USP31: variants seen among roughly 807,000 people sequenced by gnomAD.
The protein encoded by USP31 is ubiquitin carboxyl-terminal hydrolase 31.
USP31 carries 44 observed loss-of-function variants against 119.4 expected under a neutral mutation model. The observed-to-expected ratio is 0.37, with a 90% confidence interval of 0.29 to 0.47. The LOEUF (loss-of-function observed/expected upper bound fraction) is 0.47. Among genes scored for constraint, USP31 ranks in the 20% least tolerant of loss-of-function variants. The pLI, the probability that USP31 is intolerant of heterozygous loss-of-function variation, is 0.99. For synonymous variants in USP31, 749 were observed against 705.6 expected (o/e 1.06, Z -0.97); for missense variants, 1,643 against 1,730.2 (o/e 0.95, Z 0.89).
intron 13 of USP31, among the ~76,000 whole-genome samples, chr16:23,077,354 G>C (rs1900621015): frequency 6.6e-6 from 1 of 152,138 alleles, no homozygotes; most frequent in Non-Finnish European, 1.5e-5. Context: ...TAAAGAACTT[G>C]AACTAAAAGG....
chr16:23,091,325 C>T (rs903658695), intron 6 of USP31, among the ~76,000 whole-genome samples: 1 of 152,164 alleles, frequency 6.6e-6, no homozygotes, highest in Non-Finnish European at 1.5e-5. Flanking sequence ...GATCAATCCA[C>T]ATTAAAGTTA....
At chr16:23,091,207 A>G (rs1485913468) in intron 6 of USP31, among the ~76,000 whole-genome samples, 1 of 152,248 alleles carries the variant, frequency 6.6e-6, no homozygotes, top group East Asian at 1.9e-4. Flanking sequence ...CTTCTCCCTG[A>G]TTAAAGAGCC....
At position 23,090,680 on chromosome 16, in the gene USP31, G is replaced by A. The variant is rs1406198248; in HGVS notation, c.1359C>T (p.Ser453=). 10 of 1,613,916 alleles carry A rather than the reference G, an allele frequency of 6.2e-6. No individual in the cohort carries two copies. Among genetic ancestry groups the A allele is most frequent in the South Asian group, 2.2e-5 (2 of 91,054 alleles). The part of the protein sequence containing the change: ...KMDSPTSRAG[S]DKIVLLVCNR... Reference sequence around the variant, plus strand: ...TACACACCAACAGGACAATCTTGTCGCTGCCTGCTCTTGATGTGGGAGAAT... The same window carrying A: ...TACACACCAACAGGACAATCTTGTCACTGCCTGCTCTTGATGTGGGAGAAT... Residue 453 remains serine (S), a synonymous_variant, in exon 7 of 16, where the codon AGC becomes AGT. Transcript: ENST00000219689.
chr16:23,108,083 T>A lies in USP31; in HGVS notation c.734A>T (p.Asn245Ile), dbSNP rs1286123007. Residue 245 changes from asparagine to isoleucine, a missense_variant, in exon 2 of 16, where the codon AAC (asparagine) becomes ATC (isoleucine). Physicochemically the swap from Asn to Ile is moderately radical, Grantham distance 149. Around this residue, in one of 5 missense-constraint regions of USP31, gnomAD observed 144 missense variants for 218.0 expected, o/e 0.66. Coordinates refer to ENST00000219689, the MANE Select transcript of USP31 (RefSeq NM_020718.4). ...WLLDRVHEDL[N>I]HSVKQSGQPP... ...CTGGCCACTCTGCTTCACTGAATGG[T>A]TGAGGTCTTCATGAACTCGGTCCAA... 6.2e-7 allele frequency: 1 copy of A among 1,614,102 alleles called. No homozygotes were observed. The highest frequency in any genetic ancestry group is 1.3e-5 in the African/African-American group (1 of 75,054).
intron 1 of USP31, among the ~76,000 whole-genome samples, chr16:23,116,931 T>C (rs1386688987): frequency 6.6e-6 from 1 of 152,224 alleles, no homozygotes. Flanking sequence ...TTATTCCTGG[T>C]ACAGGTTGAG....
chr16:23,130,561 T>C (rs1902997878), intron 1 of USP31, among the ~76,000 whole-genome samples: 2 of 151,780 alleles, frequency 1.3e-5, no homozygotes, highest in South Asian at 2.1e-4. Context: ...ACTACAGGAG[T>C]TGGAATTATG....
intron 1 of USP31, among the ~76,000 whole-genome samples, chr16:23,122,946 T>C (rs1169716023): frequency 3.3e-5 from 5 of 152,244 alleles, no homozygotes; most frequent in Non-Finnish European, 5.9e-5. Flanking sequence ...GTTAACTGTA[T>C]TTCAATAAAG....
chr16:23,094,760 G>A (rs187208482), intron 6 of USP31, among the ~76,000 whole-genome samples: 1 of 152,248 alleles, frequency 6.6e-6, no homozygotes, highest in African/African-American at 2.4e-5. Flanking sequence ...TGTAGCTGAG[G>A]GACCTGATCA....
intron 14 of USP31, among the ~76,000 whole-genome samples, chr16:23,073,401 G>A (rs1397095618): frequency 2.0e-5 from 3 of 152,158 alleles, no homozygotes; most frequent in African/African-American, 7.2e-5. Context: ...ACAGGCTCCA[G>A]GATAACCCCA....
intron 6 of USP31, 86 bp from the exon 7 acceptor site, chr16:23,090,890 AT>A (rs374120276): frequency 1.6e-5 from 21 of 1,285,832 alleles, no homozygotes; most frequent in African/African-American, 7.4e-5. Context: ...AACAGAGAAA[AT>A]TTTTTTTAAA....
intron 6 of USP31, among the ~76,000 whole-genome samples, chr16:23,097,455 A>C (rs945919095): frequency 3.3e-5 from 5 of 152,216 alleles, no homozygotes. Flanking sequence ...AAAAGAGGGA[A>C]TCCTCCCTAA....
chr16:23,088,250 AG>A (rs1438951579), intron 7 of USP31, among the ~76,000 whole-genome samples: 3 of 152,180 alleles, frequency 2.0e-5, no homozygotes, highest in Non-Finnish European at 2.9e-5. Context: ...TCTGACAACA[AG>A]GGAGGCACTG....
chr16:23,125,721 G>A (rs1902831730), intron 1 of USP31, among the ~76,000 whole-genome samples: 1 of 152,162 alleles, frequency 6.6e-6, no homozygotes, highest in Non-Finnish European at 1.5e-5. Flanking sequence ...TCACTGTACT[G>A]TTATAAAGGA....
At chr16:23,088,537 CCAGT>C (rs1235331922) in intron 7 of USP31, among the ~76,000 whole-genome samples, 1 of 152,132 alleles carries the variant, frequency 6.6e-6, no homozygotes, top group Non-Finnish European at 1.5e-5. Flanking sequence ...TCATCCACGC[CCAGT>C]CAGTCAAACC....
Position 23,063,919 on chromosome 16 carries a change from A to C in USP31, c.*4127T>G, listed in dbSNP as rs943127655. On this transcript the variant is annotated 3_prime_UTR_variant, in exon 16 of 16. Transcript: ENST00000219689. ...AAAGTTGATCAAAAGGCAGTGTGAG[A>C]GTGTTCATTTAAATAAAACCACTGG... 1 of 152,270 alleles carries C rather than the reference A, an allele frequency of 6.6e-6. No homozygotes were observed. Among genetic ancestry groups the C allele is most frequent in the South Asian group, 2.1e-4 (1 of 4,830 alleles). The allele number at this position is 152,270 out of a possible 1,614,324, so 9.4% of individuals were successfully genotyped here.
intron 1 of USP31, among the ~76,000 whole-genome samples, chr16:23,128,066 T>C (rs574690425): frequency 1.9e-3 from 293 of 152,292 alleles, no homozygotes; most frequent in Non-Finnish European, 3.7e-3. Context: ...AAGCCACAGA[T>C]ACAAGACCAA....
In USP31 at chr16:23,062,167, T is replaced by C. The variant is rs1241829286; in HGVS notation, c.*5879A>G. ...ACACCAGGTAAATTGTGGTGTTTTGTAGGCAGCATGAGGCTCGACAGAATG... is the reference window on the plus strand; with the variant it reads ...ACACCAGGTAAATTGTGGTGTTTTGCAGGCAGCATGAGGCTCGACAGAATG... On this transcript the variant is annotated 3_prime_UTR_variant, in exon 16 of 16. Coordinates refer to ENST00000219689, the MANE Select transcript of USP31 (RefSeq NM_020718.4). The C allele has an allele frequency of 6.6e-6, 1 of 152,616 alleles. No individual in the cohort carries two copies. The highest frequency in any genetic ancestry group is 1.5e-5 in the Non-Finnish European group (1 of 68,048). 9.5% of individuals were successfully genotyped at this position (152,616 alleles called of 1,614,324 possible). A position where few individuals can be genotyped will look rare whatever the true frequency, so the allele number is the denominator to read the frequency against.
Position 23,068,600 on chromosome 16 carries a change from T to C in USP31, c.3505A>G (p.Ser1169Gly). 4 of 1,614,182 alleles carry C rather than the reference T, an allele frequency of 2.5e-6. No individual in the cohort carries two copies. The highest frequency in any genetic ancestry group is 3.4e-6 in the Non-Finnish European group (4 of 1,180,026). Reference sequence around the variant, plus strand: ...TTGGGTTTGGAGGTGGAGGTGGCGCTGGCTCTGTCAGAACCCAAGCTTTGT... The same window carrying C: ...TTGGGTTTGGAGGTGGAGGTGGCGCCGGCTCTGTCAGAACCCAAGCTTTGT... ...SRQSLGSDRA[S>G]ATSTSKPNSP... The change falls in exon 16 of 16, where the codon AGC becomes GGC. Residue 1169 changes from serine (S) to glycine (G), a missense_variant. Coordinates refer to ENST00000219689, the MANE Select transcript of USP31 (RefSeq NM_020718.4).
chr16:23,148,459 G>A (rs1420240041), intron 1 of USP31, among the ~76,000 whole-genome samples, 179 bp downstream of exon 1: 1 of 152,360 alleles, frequency 6.6e-6, no homozygotes, highest in Non-Finnish European at 1.5e-5. Flanking sequence ...GAGTGAGTGA[G>A]TGAATAAATG....
Sources: gnomAD v4.1 joint callset for allele counts (sites outside exome capture counted in the v4.1 genomes callset) on GRCh38, gnomAD v4.1.1 for gene constraint, gnomAD v4.1.1 regional missense constraint, MANE v1.5 for transcripts, NCBI Gene and HGNC (gene_info 2026-07-23, HGNC 2026-07-21) for gene names.